The following PPARGC1A variants were observed in gnomAD, a reference collection of about 807,000 sequenced individuals.
The protein encoded by PPARGC1A is peroxisome proliferator-activated receptor gamma coactivator 1-alpha.
Under a neutral mutation model 88.7 loss-of-function variants are expected in PPARGC1A, and 25 were observed. The ratio of observed to expected loss-of-function variants is 0.28; its 90% CI spans 0.21 to 0.39. PPARGC1A has a LOEUF of 0.39. Ranked by LOEUF, PPARGC1A falls within the 10% of genes least tolerant of loss-of-function variation. The probability of loss-of-function intolerance (pLI) is 1.00; values close to 1 mark genes in which losing one functional copy is unlikely to be tolerated. For synonymous variants in PPARGC1A, 363 were observed against 355.6 expected (o/e 1.02, Z -0.24); for missense variants, 880 against 968.7 (o/e 0.91, Z 1.22).
the PPARGC1A span, among the ~76,000 whole-genome samples, chr4:24,099,299 A>G: frequency 6.6e-6 from 1 of 151,498 alleles, no homozygotes; most frequent in Non-Finnish European, 1.5e-5. Context: ...AAAAAAAAAA[A>G]AAAAAAAAAA....
the PPARGC1A span, among the ~76,000 whole-genome samples, chr4:24,129,817 TA>T: frequency 1.3e-4 from 20 of 152,204 alleles, no homozygotes; most frequent in East Asian, 1.7e-3. Context: ...TATGCAGCCA[TA>T]AAAAATGATG....
chr4:23,963,471 T>C, the PPARGC1A span, among the ~76,000 whole-genome samples: 2 of 152,196 alleles, frequency 1.3e-5, no homozygotes, highest in Non-Finnish European at 2.9e-5. Context: ...TTTTCATCTA[T>C]GTATAATTTC....
chr4:23,819,880 G>A (rs1722665571), intron 7 of PPARGC1A, among the ~76,000 whole-genome samples: 1 of 152,088 alleles, frequency 6.6e-6, no homozygotes, highest in Admixed American at 6.6e-5. Flanking sequence ...CTGATGCTAT[G>A]CTTTTCCTTT....
the PPARGC1A span, among the ~76,000 whole-genome samples, chr4:24,051,204 A>AC: frequency 2.6e-5 from 4 of 151,198 alleles, no homozygotes; most frequent in Non-Finnish European, 5.9e-5. Flanking sequence ...AAAAAAAAAA[A>AC]AAAAAAAACC....
chr4:24,094,717 T>C, the PPARGC1A span, among the ~76,000 whole-genome samples: 1 of 152,128 alleles, frequency 6.6e-6, no homozygotes, highest in Non-Finnish European at 1.5e-5. Flanking sequence ...TGTCTCCAAA[T>C]TGTAAACATA....
intron 1 of PPARGC1A, among the ~76,000 whole-genome samples, chr4:23,898,505 C>T (rs1179250022): frequency 6.6e-6 from 1 of 152,288 alleles, no homozygotes; most frequent in East Asian, 1.9e-4. Context: ...AATGATAAAC[C>T]TCAGTCAGGA....
At chr4:24,432,526 G>A in the PPARGC1A span, among the ~76,000 whole-genome samples, 3 of 152,160 alleles carry the variant, frequency 2.0e-5, no homozygotes, top group East Asian at 1.9e-4. Flanking sequence ...TCCATTTAGC[G>A]ATGCATAGAG....
At chr4:23,830,898 C>T (rs916388825) in intron 3 of PPARGC1A, among the ~76,000 whole-genome samples, 3 of 152,120 alleles carry the variant, frequency 2.0e-5, no homozygotes, top group Non-Finnish European at 2.9e-5. Context: ...GGGTGGCAAA[C>T]GTGCTATAGT....
the PPARGC1A span, among the ~76,000 whole-genome samples, chr4:24,307,175 T>C: frequency 6.6e-6 from 1 of 152,166 alleles, no homozygotes; most frequent in African/African-American, 2.4e-5. Context: ...GCAGTGGTCC[T>C]GCAATACATA....
the PPARGC1A span, among the ~76,000 whole-genome samples, chr4:24,244,587 TCA>T: frequency 9.2e-5 from 14 of 152,004 alleles, no homozygotes; most frequent in Admixed American, 8.5e-4. Context: ...TCAAGGAGAG[TCA>T]CAGAGATTTT....
At chr4:23,895,129 G>A (rs1307968486) in intron 1 of PPARGC1A, among the ~76,000 whole-genome samples, 3 of 139,690 alleles carry the variant, frequency 2.1e-5, no homozygotes, top group Non-Finnish European at 4.6e-5. Flanking sequence ...TAAGTGCCAG[G>A]GAAAATTAAG....
At chr4:24,279,466 G>C in the PPARGC1A span, among the ~76,000 whole-genome samples, 1 of 152,138 alleles carries the variant, frequency 6.6e-6, no homozygotes, top group African/African-American at 2.4e-5. Context: ...AAGAAGTAAC[G>C]GGGGGAGAAG....
At chr4:23,905,820 T>A (rs1308641826), upstream of PPARGC1A, among the ~76,000 whole-genome samples, 1 of 152,210 alleles carries the variant, frequency 6.6e-6, no homozygotes, top group Non-Finnish European at 1.5e-5. Context: ...TTATTTGGCA[T>A]CAAACATTTT....
the PPARGC1A span, among the ~76,000 whole-genome samples, chr4:24,019,147 T>C: frequency 6.6e-6 from 1 of 152,204 alleles, no homozygotes; most frequent in Non-Finnish European, 1.5e-5. Context: ...TGCTATAATA[T>C]ATTTAGGCAA....
At chr4:24,003,875 T>C in the PPARGC1A span, among the ~76,000 whole-genome samples, 28 of 151,974 alleles carry the variant, frequency 1.8e-4, no homozygotes, top group African/African-American at 6.3e-4. Context: ...GAATGGTTTG[T>C]ACGATTGAGA....
the PPARGC1A span, among the ~76,000 whole-genome samples, chr4:24,137,441 T>C: frequency 2.5e-3 from 375 of 152,232 alleles, 5 homozygotes; most frequent in Non-Finnish European, 3.2e-3. Context: ...TCCAGTGCAA[T>C]CAGATACGAT....
At chr4:24,168,161 AT>A in the PPARGC1A span, among the ~76,000 whole-genome samples, 1 of 152,250 alleles carries the variant, frequency 6.6e-6, no homozygotes, top group South Asian at 2.1e-4. Flanking sequence ...GCACTAAAAA[AT>A]CAAAAATTCA....
At chr4:23,875,014 CA>C (rs754983202) in intron 2 of PPARGC1A, among the ~76,000 whole-genome samples, 12 of 152,214 alleles carry the variant, frequency 7.9e-5, no homozygotes, top group Non-Finnish European at 1.5e-4. Context: ...CTATTTGGAA[CA>C]AAATAAATTG....
At chr4:24,446,166 A>T in the PPARGC1A span, among the ~76,000 whole-genome samples, 1 of 152,210 alleles carries the variant, frequency 6.6e-6, no homozygotes, top group Non-Finnish European at 1.5e-5. Flanking sequence ...TCATTCTGGA[A>T]CTTGGCATAC....
Sources: gnomAD v4.1 joint callset for allele counts (sites outside exome capture counted in the v4.1 genomes callset) on GRCh38, gnomAD v4.1.1 for gene constraint, MANE v1.5 for transcripts, NCBI Gene and HGNC (gene_info 2026-07-23, HGNC 2026-07-21) for gene names.